Variants in C8A observed in about 807,000 individuals in gnomAD.
The protein encoded by C8A is complement C8 alpha chain.
C8A carries 67 observed loss-of-function variants against 65.3 expected under a neutral mutation model. That is an observed-to-expected ratio of 1.03 (90% confidence interval 0.84 to 1.26). The LOEUF is 1.26. C8A is among the 50% of genes most tolerant of loss of function. The pLI is 0.00. For synonymous variants in C8A, 290 were observed against 259.4 expected (o/e 1.12, Z -1.13); for missense variants, 781 against 723.9 (o/e 1.08, Z -0.90).
At chr1:56,879,042 C>T (rs1164555870) in intron 4 of C8A, among the ~76,000 whole-genome samples, 5 of 152,134 alleles carry the variant, frequency 3.3e-5, no homozygotes. Flanking sequence ...GGCCTGAAGG[C>T]CAAATTCAGC....
chr1:56,872,208 G>T (rs571096194), intron 2 of C8A, among the ~76,000 whole-genome samples: 5 of 152,302 alleles, frequency 3.3e-5, no homozygotes, highest in Admixed American at 6.5e-5. Flanking sequence ...CATTCTCAAT[G>T]AAGTGGAATT....
intron 2 of C8A, among the ~76,000 whole-genome samples, chr1:56,868,732 C>T (rs1240118502): frequency 6.6e-6 from 1 of 152,212 alleles, no homozygotes; most frequent in East Asian, 1.9e-4. Context: ...CCCCACTCGG[C>T]ATACCACTCA....
At chr1:56,914,767 C>T (rs535108612) in intron 10 of C8A, among the ~76,000 whole-genome samples, 8 of 152,230 alleles carry the variant, frequency 5.3e-5, no homozygotes, top group South Asian at 2.1e-4. Flanking sequence ...CGGGTTCAAG[C>T]GATTCTCCCA....
intron 1 of C8A, among the ~76,000 whole-genome samples, chr1:56,859,835 G>A (rs1644013301): frequency 6.6e-6 from 1 of 152,180 alleles, no homozygotes; most frequent in African/African-American, 2.4e-5. Flanking sequence ...GACGAGGCAG[G>A]TGGATCACTT....
chr1:56,913,457 A>C (rs1246394642), intron 10 of C8A, among the ~76,000 whole-genome samples: 1 of 152,248 alleles, frequency 6.6e-6, no homozygotes, highest in Non-Finnish European at 1.5e-5. Flanking sequence ...GAAAGTTATC[A>C]AACAAGCATT....
intron 10 of C8A, among the ~76,000 whole-genome samples, chr1:56,915,033 G>T (rs772609796): frequency 3.3e-5 from 5 of 152,182 alleles, no homozygotes; most frequent in Admixed American, 6.5e-5. Context: ...TGTAAAATGA[G>T]ATTATATTGG....
At chr1:56,877,933 C>A (rs570872579) in intron 4 of C8A, among the ~76,000 whole-genome samples, 1 of 152,110 alleles carries the variant, frequency 6.6e-6, no homozygotes. Context: ...ATTCTGTTTT[C>A]TTTCATACCA....
At chr1:56,862,362 A>C (rs1286875624) in intron 1 of C8A, among the ~76,000 whole-genome samples, 1 of 152,222 alleles carries the variant, frequency 6.6e-6, no homozygotes, top group African/African-American at 2.4e-5. Context: ...CAGATGATGC[A>C]TACAAAAAGA....
chr1:56,885,561 T>TG (rs1179216799), intron 6 of C8A, among the ~76,000 whole-genome samples: 34 of 148,010 alleles, frequency 2.3e-4, no homozygotes, highest in African/African-American at 5.9e-4. Flanking sequence ...TTTTGTTTTT[T>TG]TTTGTTTGTT....
In C8A at chr1:56,867,681, C is replaced by T; in HGVS notation, c.150C>T (p.Cys50=). The change falls in exon 2 of 11, where the codon TGC becomes TGT. Residue 50 remains cysteine, a synonymous_variant. Coordinates refer to ENST00000361249, the MANE Select transcript of C8A (RefSeq NM_000562.3). ...QLSNWSEWTD[C]FPCQDKKYRH... ...GCAACTGGTCAGAGTGGACAGATTG[C>T]TTTCCGTGCCAGGACAAAAAGGTGA... The T allele has an allele frequency of 6.2e-7, 1 of 1,613,772 alleles. No homozygotes were observed. Among genetic ancestry groups the T allele is most frequent in the Non-Finnish European group, 8.5e-7 (1 of 1,179,804 alleles).
chr1:56,865,686 G>T lies in C8A; in HGVS notation c.78-1923G>T, dbSNP rs1020034020. ...ATTTGGCATGCATTGTATAAAAAAT[G>T]CAGAGACCCTATCATTTCAAGGAAA... On this transcript the variant is annotated intron_variant, in intron 1 of 10. Coordinates refer to ENST00000361249, the MANE Select transcript of C8A (RefSeq NM_000562.3). Among the ~76,000 whole-genome samples the T allele has an allele frequency of 2.0e-5, 3 of 152,230 alleles. 1 individual carries two copies. In the Middle Eastern group the frequency reaches 0.01, roughly 518 times the overall value.
chr1:56,855,130 T>C (rs575187431), intron 1 of C8A, 152 bp downstream of exon 1: 11 of 731,882 alleles, frequency 1.5e-5, no homozygotes, highest in Admixed American at 1.2e-4. Context: ...GATGGGACAG[T>C]GAAAAGACCG....
chr1:56,894,284 G>A (rs1050572828), intron 7 of C8A, among the ~76,000 whole-genome samples: 1 of 152,060 alleles, frequency 6.6e-6, no homozygotes, highest in African/African-American at 2.4e-5. Context: ...CAGCAATCAT[G>A]CCTCCTCCTC....
chr1:56,873,318 C>T (rs1644164297), intron 2 of C8A, among the ~76,000 whole-genome samples: 1 of 152,190 alleles, frequency 6.6e-6, no homozygotes, highest in African/African-American at 2.4e-5. Flanking sequence ...GGCTTCTTTA[C>T]ACATTCTCTT....
chr1:56,912,983 A>G (rs993574997), intron 10 of C8A, among the ~76,000 whole-genome samples: 1 of 152,224 alleles, frequency 6.6e-6, no homozygotes, highest in Admixed American at 6.5e-5. Context: ...CTAGAAGTCC[A>G]AAGTCAGGTG....
chr1:56,910,348 C>T (rs537214116), intron 9 of C8A, among the ~76,000 whole-genome samples: 13 of 152,242 alleles, frequency 8.5e-5, no homozygotes, highest in Admixed American at 4.6e-4. Context: ...ATCTGCAAAA[C>T]GGGAACAAGA....
chr1:56,885,438 A>ACGT (rs1557705872), intron 6 of C8A, among the ~76,000 whole-genome samples: 9 of 120,864 alleles, frequency 7.4e-5, no homozygotes, highest in South Asian at 2.8e-4. Flanking sequence ...ATATATATTT[A>ACGT]AGTAAATATA....
chr1:56,873,772 C>T (rs898209478), intron 2 of C8A, among the ~76,000 whole-genome samples: 1 of 152,120 alleles, frequency 6.6e-6, no homozygotes, highest in Non-Finnish European at 1.5e-5. Flanking sequence ...TCCTTGTCGG[C>T]CACTGTGTGT....
chr1:56,880,312 A>T (rs993759003), intron 4 of C8A, among the ~76,000 whole-genome samples: 5 of 152,196 alleles, frequency 3.3e-5, no homozygotes, highest in Non-Finnish European at 5.9e-5. Flanking sequence ...AAAGGAAAGT[A>T]TAGAGAAATA....
Sources: allele counts gnomAD v4.1 joint callset (sites outside exome capture counted in the v4.1 genomes callset), GRCh38; gene constraint gnomAD v4.1.1; transcripts MANE v1.5; gene names NCBI Gene and HGNC (gene_info 2026-07-23, HGNC 2026-07-21).